Variants in GSTO1 observed in about 807,000 individuals in gnomAD.
GSTO1 encodes glutathione S-transferase omega 1, also known as glutathione S-transferase omega-1.
GSTO1 carries 27 observed loss-of-function variants against 23.8 expected under a neutral mutation model. The observed-to-expected ratio is 1.13, with a 90% CI of 0.83 to 1.56. GSTO1 has a LOEUF of 1.56. GSTO1 is among the 40% of genes most tolerant of loss of function. The probability of loss-of-function intolerance (pLI) is 0.00; values close to 1 mark genes in which losing one functional copy is unlikely to be tolerated. For synonymous variants in GSTO1, 105 were observed against 109.3 expected, an observed-to-expected ratio of 0.96 and a Z score of 0.25; for missense variants, 255 against 285.8, an observed-to-expected ratio of 0.89 and a Z score of 0.78.
rs1424252330 is a variant in GSTO1, at chr10:104,267,399, G to A, written c.720G>A (p.Gly240=). The change falls in exon 6 of 6, where the codon GGG becomes GGA. Residue 240 remains glycine (G), a synonymous_variant. Coordinates refer to ENST00000369713, the MANE Select transcript of GSTO1 (RefSeq NM_004832.3). ...ACAGCCCTGAGGCCTGTGACTATGG[G>A]CTCTGAAGGGGGCAGGAGTCAGCAA... ...LQNSPEACDY[G]L 27 of 1,607,102 alleles carry A rather than the reference G, an allele frequency of 1.7e-5. No homozygotes were observed. Among genetic ancestry groups the A allele is most frequent in the Non-Finnish European group, 2.2e-5 (26 of 1,177,374 alleles).
intron 4 of GSTO1, among the ~76,000 whole-genome samples, chr10:104,263,499 C>T (rs566064634): frequency 6.6e-6 from 1 of 152,296 alleles, no homozygotes; most frequent in East Asian, 1.9e-4. Flanking sequence ...CTTAGTATTA[C>T]ATACTAAATA....
At chr10:104,262,910 T>C (rs1483576367) in intron 3 of GSTO1, 69 bp from the exon 4 acceptor site, 2 of 717,198 alleles carry the variant, frequency 2.8e-6, no homozygotes, top group African/African-American at 1.8e-5. Flanking sequence ...GGTTCTACCA[T>C]ATTTTTATGT....
rs2011124333 is a variant in GSTO1, at chr10:104,259,804, TGCATAA to T, written c.366+8_366+13del. 6 of 1,585,248 alleles carry T rather than the reference TGCATAA, an allele frequency of 3.8e-6. No homozygotes were observed. In the East Asian group the frequency reaches 1.3e-4, roughly 35 times the overall value. On this transcript the variant is annotated splice_region_variant and intron_variant, in intron 3 of 5. Transcript: ENST00000369713. ...TCTTAGAGTTGTTTTCTAAGGTTTG[TGCATAA>T]GAAATTTCAGCTCCTATTTGAAAAA...
At chr10:104,264,069 T>C (rs528448708) in intron 4 of GSTO1, among the ~76,000 whole-genome samples, 197 of 152,312 alleles carry the variant, frequency 1.3e-3, no homozygotes, top group South Asian at 5.4e-3. Flanking sequence ...TCTACTCTTA[T>C]AGTATCATTA....
chr10:104,267,426 A>G lies in GSTO1; in HGVS notation c.*21A>G. ...TCTGAAGGGGGCAGGAGTCAGCAAT[A>G]AAGCTATGTCTGATATTTTCCTTCA... On this transcript the variant is annotated 3_prime_UTR_variant, in exon 6 of 6. Transcript: ENST00000369713. The G allele has an allele frequency of 6.4e-7, 1 of 1,562,356 alleles. No homozygotes were observed. The highest frequency in any genetic ancestry group is 1.9e-4 in the Middle Eastern group (1 of 5,386).
chr10:104,266,654 T>C (rs950059666), intron 5 of GSTO1, among the ~76,000 whole-genome samples: 14 of 151,930 alleles, frequency 9.2e-5, no homozygotes, highest in Admixed American at 7.2e-4. Flanking sequence ...GGAGAATCAC[T>C]TGAACCCGGG....
chr10:104,254,592 AGGTCAG>A (rs777280156), upstream of GSTO1: 5 of 418,068 alleles, frequency 1.2e-5, no homozygotes, highest in South Asian at 2.3e-5. Flanking sequence ...CACGGGAGGG[AGGTCAG>A]GGTCAGGGTC....
chr10:104,263,485 T>A (rs1267326242), intron 4 of GSTO1, among the ~76,000 whole-genome samples: 1 of 152,192 alleles, frequency 6.6e-6, no homozygotes, highest in Non-Finnish European at 1.5e-5. Context: ...TTTTCCTGTG[T>A]CCACTTAGTA....
chr10:104,267,131 T>A (rs1341142514), intron 5 of GSTO1, 121 bp from the exon 6 acceptor site: 2 of 582,532 alleles, frequency 3.4e-6, no homozygotes, highest in African/African-American at 3.7e-5. Context: ...TTTTAAATAT[T>A]TTTAATGAAA....
intron 4 of GSTO1, 24 bp from the exon 5 acceptor site, chr10:104,266,060 A>G (rs1410706459): frequency 8.4e-6 from 10 of 1,194,912 alleles, no homozygotes; most frequent in Non-Finnish European, 1.3e-5. Context: ...AGTAAGAAAT[A>G]CTTTTATGCT....
Position 104,267,407 on chromosome 10 carries a change from G to A in GSTO1, c.*2G>A, listed in dbSNP as rs7589. On this transcript the variant is annotated 3_prime_UTR_variant, in exon 6 of 6. Transcript: ENST00000369713. The stretch of plus-strand genomic sequence containing the variant: ...GAGGCCTGTGACTATGGGCTCTGAA[G>A]GGGGCAGGAGTCAGCAATAAAGCTA... 0.014 allele frequency: 22,297 copies of A among 1,585,566 alleles called. 2,585 individuals carry two copies. In the African/African-American group the frequency reaches 0.26, roughly 18 times the overall value.
rs1285585480 is a variant in GSTO1 at position 104,259,630 on chromosome 10, A to G, written c.198A>G (p.Lys66=). The G allele has an allele frequency of 6.2e-7, 1 of 1,613,758 alleles. No homozygotes were observed. The highest frequency in any genetic ancestry group is 1.7e-5 in the Admixed American group (1 of 60,016). Residue 66 remains lysine, a synonymous_variant, in exon 3 of 6, where the codon AAA becomes AAG. Coordinates refer to ENST00000369713, the MANE Select transcript of GSTO1 (RefSeq NM_004832.3). ...ATAAGCCTGAGTGGTTCTTTAAGAAAAATCCCTTTGGTCTGGTGCCAGTTC... is the reference window on the plus strand; with the variant it reads ...ATAAGCCTGAGTGGTTCTTTAAGAAGAATCCCTTTGGTCTGGTGCCAGTTC... ...LKNKPEWFFK[K]NPFGLVPVLE... is the part of the protein sequence containing the mutation.
chr10:104,256,166 A>C (rs1201612761), intron 2 of GSTO1, among the ~76,000 whole-genome samples: 1 of 152,188 alleles, frequency 6.6e-6, no homozygotes, highest in Non-Finnish European at 1.5e-5. Context: ...AATACATTTG[A>C]AGGGGATTTG....
chr10:104,260,465 C>G (rs2011129620), intron 3 of GSTO1, among the ~76,000 whole-genome samples: 1 of 152,178 alleles, frequency 6.6e-6, no homozygotes, highest in African/African-American at 2.4e-5. Flanking sequence ...CACATGGGAA[C>G]TACTTAATTC....
intron 3 of GSTO1, among the ~76,000 whole-genome samples, chr10:104,261,991 GC>G (rs1406857740): frequency 6.7e-6 from 1 of 148,692 alleles, no homozygotes; most frequent in East Asian, 1.9e-4. Context: ...TTCTTCCCTA[GC>G]TCTTTGCAGT....
chr10:104,256,775 CT>C (rs35776315), intron 2 of GSTO1, among the ~76,000 whole-genome samples: 169 of 146,052 alleles, frequency 1.2e-3, no homozygotes, highest in East Asian at 3.0e-3. Flanking sequence ...TTCTGACATA[CT>C]TTTTTTTTTT....
At chr10:104,256,842 T>C (rs1186037009) in intron 2 of GSTO1, among the ~76,000 whole-genome samples, 1 of 152,134 alleles carries the variant, frequency 6.6e-6, no homozygotes, top group African/African-American at 2.4e-5. Flanking sequence ...GTTTTTGTTT[T>C]ATAGTTCAAA....
In GSTO1 at chr10:104,263,010, G is replaced by C; in HGVS notation, c.398G>C (p.Ser133Thr). The change falls in exon 4 of 6, where the codon AGC becomes ACC. Residue 133 changes from serine to threonine, a missense_variant. Physicochemically the swap from Ser to Thr is moderately conservative, Grantham distance 58 (BLOSUM62 1). Transcript: ENST00000369713. The stretch of plus-strand genomic sequence containing the variant: ...TCCTTGGTAGGAAGCTTTATTAGAA[G>C]CCAAAATAAAGAAGACTATGCTGGC... ...VPSLVGSFIR[S>T]QNKEDYAGLK... is the part of the protein sequence containing the mutation. 6.5e-7 allele frequency: 1 copy of C among 1,541,242 alleles called. No individual in the cohort carries two copies. The highest frequency in any genetic ancestry group is 9.0e-7 in the Non-Finnish European group (1 of 1,115,494).
chr10:104,265,948 C>A lies in GSTO1; in HGVS notation c.466-136C>A, dbSNP rs773670938. On this transcript the variant is annotated intron_variant, in intron 4 of 5. Coordinates refer to ENST00000369713, the MANE Select transcript of GSTO1 (RefSeq NM_004832.3). Reference sequence around the variant, plus strand: ...CTAAAGCTTAATTAAGCTTTTTGATCAGAAAAAAACCCAACTTGGATACAT... The same window carrying A: ...CTAAAGCTTAATTAAGCTTTTTGATAAGAAAAAAACCCAACTTGGATACAT... 4.7e-4 allele frequency: 238 copies of A among 508,972 alleles called. 1 individual carries two copies. Among genetic ancestry groups the A allele is most frequent in the Non-Finnish European group, 7.6e-4 (210 of 276,690 alleles). 31.5% of individuals were successfully genotyped at this position (508,972 alleles called of 1,614,324 possible).
Sources: allele counts gnomAD v4.1 joint callset (sites outside exome capture counted in the v4.1 genomes callset), GRCh38; gene constraint gnomAD v4.1.1; transcripts MANE v1.5; gene names NCBI Gene and HGNC (gene_info 2026-07-23, HGNC 2026-07-21).